EIPR1: variants seen among roughly 807,000 people sequenced by gnomAD.
The protein encoded by EIPR1 is EARP complex and GARP complex interacting protein 1, also known as EARP and GARP complex-interacting protein 1.
In EIPR1, 25 loss-of-function variants were observed where a neutral mutation model predicts 48.1. The observed-to-expected ratio is 0.52, with a 90% CI of 0.38 to 0.73. The LOEUF is 0.73. Among genes scored for constraint, EIPR1 ranks in the 30% least tolerant of loss-of-function variants. The pLI, the probability that EIPR1 is intolerant of heterozygous loss-of-function variation, is 0.00. For missense variants in EIPR1, 415 were observed against 506.2 expected, an observed-to-expected ratio of 0.82 and a Z score of 1.73; for synonymous variants, 204 against 201.9, an observed-to-expected ratio of 1.01 and a Z score of -0.09.
At chr2:3,295,629 TACA>T in intron 3 of EIPR1, among the ~76,000 whole-genome samples, 2 of 114,108 alleles carry the variant, frequency 1.8e-5, no homozygotes, top group South Asian at 3.3e-4. Context: ...CCATCCTCTC[TACA>T]TACACACACC....
At position 3,207,464 on chromosome 2, in the gene EIPR1, T is replaced by C. The variant is rs561819495; in HGVS notation, c.516+6685A>G. ...TTCCAGCAAAACTTGAAGTCTTACA[T>C]TGAATGCATCATCTAGATACTGCAG... On this transcript the variant is annotated intron_variant, in intron 5 of 8. Coordinates refer to ENST00000382125, the MANE Select transcript of EIPR1 (RefSeq NM_003310.5). Among the ~76,000 whole-genome samples the C allele has an allele frequency of 9.2e-5, 14 of 152,328 alleles. No homozygotes were observed. The South Asian group carries it at 1.2e-3, about 14-fold the overall frequency.
chr2:3,287,416 G>A (rs35780553), intron 3 of EIPR1, among the ~76,000 whole-genome samples: 9 of 144,402 alleles, frequency 6.2e-5, no homozygotes, highest in Admixed American at 2.1e-4. Flanking sequence ...TGTTCACCAC[G>A]CTCCGGAAAG....
chr2:3,214,137 G>C lies in EIPR1; in HGVS notation c.516+12C>G, dbSNP rs11682452. ...ATACAGAAACAAACGCTGTGTTGTT[G>C]CTTTTACTTACCACAGCCTGGCTCG... On this transcript the variant is annotated intron_variant, in intron 5 of 8. Transcript: ENST00000382125. The C allele has an allele frequency of 0.95, 1,527,130 of 1,611,616 alleles. 724,312 individuals carry two copies. The highest frequency in any genetic ancestry group is 0.97 in the East Asian group (43,434 of 44,800).
At chr2:3,356,390 T>C (rs1670729911) in intron 1 of EIPR1, among the ~76,000 whole-genome samples, 2 of 152,336 alleles carry the variant, frequency 1.3e-5, no homozygotes, top group South Asian at 4.1e-4. Context: ...ATGGTTAATA[T>C]GTTTAATAAT....
At chr2:3,259,534 T>G (rs1246747961) in intron 3 of EIPR1, among the ~76,000 whole-genome samples, 5 of 152,212 alleles carry the variant, frequency 3.3e-5, no homozygotes, top group Admixed American at 6.5e-5. Flanking sequence ...ATCCGGTTCA[T>G]GTAGCGCTAT....
intron 3 of EIPR1, among the ~76,000 whole-genome samples, chr2:3,337,618 G>A (rs563510981): frequency 3.2e-4 from 49 of 152,258 alleles, no homozygotes; most frequent in African/African-American, 1.1e-3. Context: ...CAGTCAACGC[G>A]CGTGTGTGCA....
At chr2:3,200,098 T>C (rs1205826315) in intron 5 of EIPR1, among the ~76,000 whole-genome samples, 3 of 151,996 alleles carry the variant, frequency 2.0e-5, no homozygotes, top group African/African-American at 7.3e-5. Flanking sequence ...GGGAGAAGAA[T>C]AGCCATGGTG....
At chr2:3,205,319 C>T (rs1257715283) in intron 5 of EIPR1, among the ~76,000 whole-genome samples, 1 of 152,196 alleles carries the variant, frequency 6.6e-6, no homozygotes, top group Non-Finnish European at 1.5e-5. Flanking sequence ...GACAACTGGA[C>T]AGAGGCACCT....
At chr2:3,367,615 A>C (rs1490114550) in intron 1 of EIPR1, among the ~76,000 whole-genome samples, 1 of 152,248 alleles carries the variant, frequency 6.6e-6, no homozygotes, top group East Asian at 1.9e-4. Context: ...ACTATTCCAC[A>C]ATCAAGTGGA....
At chr2:3,346,875 A>T (rs2103364122) in intron 2 of EIPR1, among the ~76,000 whole-genome samples, 1 of 152,342 alleles carries the variant, frequency 6.6e-6, no homozygotes, top group Non-Finnish European at 1.5e-5. Context: ...CACCTGACAT[A>T]GTTTGGAAAT....
chr2:3,341,095 CA>C (rs55667121), intron 2 of EIPR1, among the ~76,000 whole-genome samples: 1,933 of 22,134 alleles, frequency 0.087, 27 homozygotes, highest in African/African-American at 0.13. Flanking sequence ...GATCCTGTCT[CA>C]AAAAAAAAAA....
chr2:3,325,257 C>T (rs1473662761), intron 3 of EIPR1, among the ~76,000 whole-genome samples: 3 of 152,192 alleles, frequency 2.0e-5, no homozygotes, highest in Admixed American at 6.5e-5. Flanking sequence ...AGCGTGGGGC[C>T]CTGTGCAGCG....
chr2:3,234,070 G>T (rs1182819487), intron 4 of EIPR1, among the ~76,000 whole-genome samples: 2 of 152,192 alleles, frequency 1.3e-5, no homozygotes, highest in African/African-American at 2.4e-5. Flanking sequence ...ATTTACACAA[G>T]CAGGCAGCAG....
intron 5 of EIPR1, among the ~76,000 whole-genome samples, chr2:3,197,835 C>G (rs1664862657): frequency 6.6e-6 from 1 of 152,218 alleles, no homozygotes; most frequent in South Asian, 2.1e-4. Flanking sequence ...CGTTAACTTT[C>G]AAACCAGCTG....
intron 3 of EIPR1, chr2:3,282,493 T>C (rs1668042572): frequency 6.6e-6 from 1 of 152,290 alleles, no homozygotes; most frequent in Non-Finnish European, 1.5e-5. Flanking sequence ...TCTGTCTCGT[T>C]AGTCATCCCG....
intron 1 of EIPR1, among the ~76,000 whole-genome samples, chr2:3,363,864 C>T (rs527703797): frequency 1.3e-5 from 2 of 148,852 alleles, no homozygotes; most frequent in African/African-American, 4.9e-5. Flanking sequence ...TCTGAATAGA[C>T]ATTTCTCAAA....
At chr2:3,255,329 C>T (rs1379900184) in intron 4 of EIPR1, among the ~76,000 whole-genome samples, 4 of 152,068 alleles carry the variant, frequency 2.6e-5, no homozygotes, top group Admixed American at 1.3e-4. Context: ...ACTACAGGCA[C>T]GTGCCACCAC....
intron 3 of EIPR1, among the ~76,000 whole-genome samples, chr2:3,280,203 C>T (rs1255101561): frequency 7.2e-5 from 11 of 152,186 alleles, no homozygotes; most frequent in Admixed American, 7.2e-4. Context: ...GACCGCCCTG[C>T]TTAGCCCCTT....
chr2:3,274,415 A>G, intron 3 of EIPR1: 1 of 1,550,596 alleles, frequency 6.4e-7, no homozygotes, highest in Non-Finnish European at 8.7e-7. Flanking sequence ...GCACACAACA[A>G]AATGCTAGAA....
Sources: gnomAD v4.1 joint callset for allele counts (sites outside exome capture counted in the v4.1 genomes callset) on GRCh38, gnomAD v4.1.1 for gene constraint, MANE v1.5 for transcripts, NCBI Gene and HGNC (gene_info 2026-07-23, HGNC 2026-07-21) for gene names.